FOXP1: variants seen among roughly 807,000 people sequenced by gnomAD.
The protein encoded by FOXP1 is forkhead box protein P1.
In FOXP1, 15 loss-of-function variants were observed where a neutral mutation model predicts 98.2. That is an observed-to-expected ratio of 0.15 (90% CI 0.10 to 0.24). The LOEUF is 0.24. Ranked by LOEUF, FOXP1 falls within the 10% of genes least tolerant of loss-of-function variation. FOXP1 has a pLI of 1.00. For synonymous variants in FOXP1, 371 were observed against 314.5 expected (o/e 1.18, Z -1.90); for missense variants, 633 against 848.5 (o/e 0.75, Z 3.15).
intron 6 of FOXP1, among the ~76,000 whole-genome samples, chr3:71,127,723 C>T (rs180997751): frequency 1.3e-5 from 2 of 152,312 alleles, no homozygotes; most frequent in African/African-American, 4.8e-5. Context: ...ATTTTAACAA[C>T]AGGACATTTT....
At chr3:71,268,095 T>TC (rs1239188995) in intron 5 of FOXP1, among the ~76,000 whole-genome samples, 3 of 141,236 alleles carry the variant, frequency 2.1e-5, no homozygotes, top group Admixed American at 1.4e-4. Context: ...CTTTTCTTTT[T>TC]TTTTTTTTTT....
In FOXP1 at chr3:70,977,940, G is replaced by C; in HGVS notation, c.1236C>G (p.Ala412=). The C allele has an allele frequency of 4.3e-6, 7 of 1,614,194 alleles. No individual in the cohort carries two copies. The highest frequency in any genetic ancestry group is 4.2e-6 in the Non-Finnish European group (5 of 1,180,038). ...SLPHTPTTPT[A]PLTPVTQGPS... ...GGCCTTGGGTGACGGGAGTCAGGGGGGCGGTTGGGGTCGTTGGAGTATGAG... is the reference window on the plus strand; with the variant it reads ...GGCCTTGGGTGACGGGAGTCAGGGGCGCGGTTGGGGTCGTTGGAGTATGAG... The change falls in exon 15 of 21, where the codon GCC becomes GCG. Residue 412 remains alanine, a synonymous_variant. Coordinates refer to ENST00000649528, the MANE Select transcript of FOXP1 (RefSeq NM_001349338.3).
At chr3:71,078,233 A>G (rs1367168744) in intron 7 of FOXP1, among the ~76,000 whole-genome samples, 1 of 152,248 alleles carries the variant, frequency 6.6e-6, no homozygotes, top group African/African-American at 2.4e-5. Flanking sequence ...TTAAGGAAAA[A>G]GTAACTAAGT....
rs114842522 is a variant in FOXP1, at chr3:71,221,652, T to C, written c.-11-23260A>G. Among the ~76,000 whole-genome samples, 631 of 152,304 alleles carry C rather than the reference T, an allele frequency of 4.1e-3. 4 individuals are homozygous for C. The highest frequency in any genetic ancestry group is 0.015 in the African/African-American group (616 of 41,564). ...ACCGCCTCCCGCATTTTAGTCTATA[T>C]ATAAATATACTCAAGGCACTCAGAC... is the stretch of plus-strand genomic sequence containing the variant. On this transcript the variant is annotated intron_variant, in intron 5 of 20. Transcript: ENST00000649528.
chr3:71,427,869 A>G (rs992689002), intron 3 of FOXP1, among the ~76,000 whole-genome samples: 7 of 152,208 alleles, frequency 4.6e-5, no homozygotes, highest in African/African-American at 1.7e-4. Context: ...GACAAATCCC[A>G]TCTCAGAAAT....
chr3:71,214,350 G>A (rs1411577538), intron 5 of FOXP1, among the ~76,000 whole-genome samples: 2 of 152,196 alleles, frequency 1.3e-5, no homozygotes, highest in Non-Finnish European at 2.9e-5. Flanking sequence ...CAGGGCTTGA[G>A]GTGCCCTGAA....
chr3:71,435,056 C>T (rs2085117084), intron 3 of FOXP1, among the ~76,000 whole-genome samples: 1 of 150,880 alleles, frequency 6.6e-6, no homozygotes, highest in African/African-American at 2.4e-5. Context: ...ATAATTAACA[C>T]ATGAGTTTTC....
intron 17 of FOXP1, among the ~76,000 whole-genome samples, chr3:70,974,947 C>T (rs576551690): frequency 2.0e-5 from 3 of 152,202 alleles, no homozygotes; most frequent in East Asian, 1.9e-4. Context: ...AAGCAGAAAG[C>T]GACGAGAAGT....
At chr3:71,474,671 G>A (rs1184126281) in intron 3 of FOXP1, among the ~76,000 whole-genome samples, 1 of 151,902 alleles carries the variant, frequency 6.6e-6, no homozygotes, top group Non-Finnish European at 1.5e-5. Flanking sequence ...CTCCTTATGA[G>A]AATCTAATGC....
chr3:71,419,844 T>C (rs1343622954), intron 3 of FOXP1, among the ~76,000 whole-genome samples: 1 of 152,106 alleles, frequency 6.6e-6, no homozygotes, highest in Non-Finnish European at 1.5e-5. Flanking sequence ...GACAGAGTCT[T>C]GCTCTTGTCG....
In FOXP1 at chr3:70,955,970, G is replaced by T. The variant is rs777619374; in HGVS notation, c.*3277C>A. The stretch of plus-strand genomic sequence containing the variant: ...GGAGTTTCTCCCTCCCACATGTCAG[G>T]AAATGTCATCCAATATTCTTAAAGC... On this transcript the variant is annotated 3_prime_UTR_variant, in exon 21 of 21. Transcript: ENST00000649528. 1 of 232,974 alleles carries T rather than the reference G, an allele frequency of 4.3e-6. No individual in the cohort carries two copies. The allele number at this position is 232,974 out of a possible 1,614,324, so 14.4% of individuals were successfully genotyped here.
chr3:71,333,977 A>G (rs1281004734), intron 4 of FOXP1: 1 of 152,238 alleles, frequency 6.6e-6, no homozygotes, highest in Non-Finnish European at 1.5e-5. Flanking sequence ...GCAAATAGAT[A>G]CAACAAATAA....
intron 5 of FOXP1, among the ~76,000 whole-genome samples, chr3:71,287,354 C>G (rs1333762391): frequency 6.6e-6 from 1 of 151,874 alleles, no homozygotes; most frequent in Non-Finnish European, 1.5e-5. Context: ...GCCTGTGGTA[C>G]CAGCTACTCA....
At chr3:71,521,198 G>A (rs550460238) in intron 2 of FOXP1, among the ~76,000 whole-genome samples, 1 of 152,270 alleles carries the variant, frequency 6.6e-6, no homozygotes, top group East Asian at 1.9e-4. Context: ...AGGCCACTGA[G>A]ATATGTGGTA....
chr3:71,199,134 G>C (rs1347905222), intron 5 of FOXP1, among the ~76,000 whole-genome samples: 1 of 143,730 alleles, frequency 7.0e-6, no homozygotes, highest in Admixed American at 7.0e-5. Context: ...TTGAGACAGA[G>C]CCTTGCTCTG....
At chr3:71,570,443 C>G (rs80315883) in intron 2 of FOXP1, 7,155 of 152,278 alleles carry the variant, frequency 0.047, 213 homozygotes, top group Middle Eastern at 0.11. Context: ...GGGAAGTGTT[C>G]CATCCTCTTT....
At chr3:71,065,096 C>A (rs1447335211) in intron 7 of FOXP1, among the ~76,000 whole-genome samples, 1 of 149,548 alleles carries the variant, frequency 6.7e-6, no homozygotes, top group Non-Finnish European at 1.5e-5. Flanking sequence ...CCCGCGCGCC[C>A]CGGCCCCCTC....
intron 3 of FOXP1, among the ~76,000 whole-genome samples, chr3:71,383,447 A>C: frequency 6.6e-6 from 1 of 152,358 alleles, no homozygotes; most frequent in African/African-American, 2.4e-5. Flanking sequence ...TCAGAAAATA[A>C]GTATCAATGA....
At chr3:71,417,032 T>C (rs1212692357) in intron 3 of FOXP1, among the ~76,000 whole-genome samples, 1 of 152,150 alleles carries the variant, frequency 6.6e-6, no homozygotes. Context: ...CAGTCTCTGA[T>C]AAAAACAAAT....
Sources: allele counts gnomAD v4.1 joint callset (sites outside exome capture counted in the v4.1 genomes callset), GRCh38; gene constraint gnomAD v4.1.1; transcripts MANE v1.5; gene names NCBI Gene and HGNC (gene_info 2026-07-23, HGNC 2026-07-21).